The following VDR variants were observed in gnomAD, a reference collection of about 807,000 sequenced individuals.
The protein encoded by VDR is vitamin D receptor, also known as vitamin D3 receptor.
VDR carries 19 observed loss-of-function variants against 39.7 expected under a neutral mutation model. The observed-to-expected ratio is 0.48, with a 90% CI of 0.33 to 0.70. The LOEUF (loss-of-function observed/expected upper bound fraction) is 0.70, where lower values mean the gene tolerates loss of function less well. VDR is among the 30% of genes least tolerant of loss of function. The pLI is 0.02. For missense variants in VDR, 442 were observed against 570.5 expected (o/e 0.77, Z 2.29); for synonymous variants, 242 against 215.8 (o/e 1.12, Z -1.07).
chr12:47,857,666 C>G lies in VDR; in HGVS notation c.300G>C (p.Val100=). 3 of 1,614,092 alleles carry G rather than the reference C, an allele frequency of 1.9e-6. No individual in the cohort carries two copies. In the Middle Eastern group the frequency reaches 5.0e-4, roughly 267 times the overall value. The change falls in exon 5 of 10, where the codon GTG becomes GTC. Residue 100 remains valine (V), a synonymous_variant. Transcript: ENST00000549336. ...TCAGGATCATCTCCCGCTTCCTCTG[C>G]ACTTCCTCATCTGTCAGAATGACTG... ...MKEFILTDEE[V]QRKREMILKR...
At chr12:47,859,740 A>G (rs752107588) in intron 4 of VDR, among the ~76,000 whole-genome samples, 16 of 152,166 alleles carry the variant, frequency 1.1e-4, no homozygotes, top group Admixed American at 2.0e-4. Flanking sequence ...CATTACCTAT[A>G]GACGGAGCCC....
chr12:47,882,623 G>GGGCCCGGGCCCCCCC, intron 2 of VDR, 71 bp downstream of exon 2: 1 of 543,278 alleles, frequency 1.8e-6, no homozygotes, highest in Non-Finnish European at 3.2e-6. Flanking sequence ...ACCTTCTTAT[G>GGGCCCGGGCCCCCCC]CCCCTCCCCC....
At chr12:47,856,695 G>A (rs1945496160) in intron 6 of VDR, among the ~76,000 whole-genome samples, 1 of 151,830 alleles carries the variant, frequency 6.6e-6, no homozygotes, top group South Asian at 2.1e-4. Flanking sequence ...GAGGGGACAG[G>A]TCCTCCAGGG....
At chr12:47,869,428 C>G (rs564957991) in intron 3 of VDR, among the ~76,000 whole-genome samples, 7 of 146,814 alleles carry the variant, frequency 4.8e-5, no homozygotes, top group African/African-American at 1.7e-4. Flanking sequence ...CCCAGCTACT[C>G]GGGAGGCTGA....
At chr12:47,846,053 G>A (rs1019263755) in intron 9 of VDR, among the ~76,000 whole-genome samples, 1 of 152,192 alleles carries the variant, frequency 6.6e-6, no homozygotes, top group East Asian at 1.9e-4. Context: ...TTGGGAATGC[G>A]CAGGCCTGTC....
At chr12:47,882,335 A>G (rs987608545) in intron 2 of VDR, among the ~76,000 whole-genome samples, 1 of 152,186 alleles carries the variant, frequency 6.6e-6, no homozygotes, top group Non-Finnish European at 1.5e-5. Flanking sequence ...GAGATGTCCA[A>G]GCCTCTGTGG....
intron 1 of VDR, among the ~76,000 whole-genome samples, chr12:47,894,704 A>C (rs1028365179): frequency 6.6e-6 from 1 of 152,218 alleles, no homozygotes; most frequent in African/African-American, 2.4e-5. Context: ...CAGCTTTTGG[A>C]ACAATAGCTC....
At chr12:47,864,070 C>G (rs370385904) in intron 4 of VDR, among the ~76,000 whole-genome samples, 5 of 152,322 alleles carry the variant, frequency 3.3e-5, no homozygotes, top group East Asian at 1.9e-4. Context: ...ATTCCTCAGA[C>G]CCACAGCTAG....
At chr12:47,902,332 G>GC (rs1191486791) in intron 1 of VDR, among the ~76,000 whole-genome samples, 1 of 152,220 alleles carries the variant, frequency 6.6e-6, no homozygotes, top group Admixed American at 6.5e-5. Flanking sequence ...GGCCTTGGTG[G>GC]CCCAGAGTGG....
At chr12:47,854,899 A>G (rs1945451693) in intron 7 of VDR, among the ~76,000 whole-genome samples, 1 of 152,286 alleles carries the variant, frequency 6.6e-6, no homozygotes, top group Admixed American at 6.5e-5. Context: ...TCTATTTTAA[A>G]GAAGCAATGG....
chr12:47,873,607 C>T (rs1008361020), intron 3 of VDR, among the ~76,000 whole-genome samples: 6 of 151,738 alleles, frequency 4.0e-5, no homozygotes, highest in Non-Finnish European at 7.4e-5. Flanking sequence ...GTGATCCGCC[C>T]GCCTCGGCCT....
At chr12:47,892,258 G>A (rs368297649) in intron 1 of VDR, among the ~76,000 whole-genome samples, 52 of 152,318 alleles carry the variant, frequency 3.4e-4, no homozygotes, top group African/African-American at 1.1e-3. Context: ...CAAACGTACC[G>A]TCTCCATCTT....
intron 1 of VDR, among the ~76,000 whole-genome samples, chr12:47,886,700 A>G (rs551885206): frequency 1.3e-5 from 2 of 152,264 alleles, no homozygotes; most frequent in Non-Finnish European, 2.9e-5. Flanking sequence ...GAAAATCTCA[A>G]GATTGGAAGG....
Position 47,855,808 on chromosome 12 carries a change from G to C in VDR, c.584-7C>G. On this transcript the variant is annotated splice_polypyrimidine_tract_variant and splice_region_variant and intron_variant, in intron 6 of 9. Transcript: ENST00000549336. ...CTGGACGAGTCCATCATGTCTGGGA[G>C]AGATGAGGGAAGAGAAGGAGCTATT... The C allele has an allele frequency of 1.2e-6, 2 of 1,613,546 alleles. No individual in the cohort carries two copies. The highest frequency in any genetic ancestry group is 1.7e-6 in the Non-Finnish European group (2 of 1,179,922).
chr12:47,848,958 C>T (rs985151963), intron 7 of VDR, among the ~76,000 whole-genome samples: 4 of 152,176 alleles, frequency 2.6e-5, no homozygotes, highest in African/African-American at 9.6e-5. Flanking sequence ...ATTGAGCCGT[C>T]AGCACAAGAT....
At chr12:47,873,967 G>T (rs777515736) in intron 3 of VDR, among the ~76,000 whole-genome samples, 60 of 152,222 alleles carry the variant, frequency 3.9e-4, no homozygotes, top group Non-Finnish European at 8.1e-4. Context: ...CAAGCACAGG[G>T]AAGATCTCAA....
intron 1 of VDR, among the ~76,000 whole-genome samples, chr12:47,888,074 G>T (rs1419828563): frequency 1.3e-5 from 2 of 152,226 alleles, no homozygotes; most frequent in Non-Finnish European, 2.9e-5. Context: ...GGCTGGGCAG[G>T]CCTCAGTATC....
chr12:47,882,051 A>C (rs11574044), intron 2 of VDR, among the ~76,000 whole-genome samples: 26,477 of 152,178 alleles, frequency 0.17, 2,516 homozygotes, highest in South Asian at 0.29. Flanking sequence ...CATGTTCAGC[A>C]TCACATGGAC....
At chr12:47,881,561 A>C (rs150344218) in intron 2 of VDR, among the ~76,000 whole-genome samples, 29 of 152,288 alleles carry the variant, frequency 1.9e-4, no homozygotes, top group African/African-American at 7.0e-4. Context: ...AGGGGTGTGC[A>C]TTATATAGTA....
Sources: allele counts gnomAD v4.1 joint callset (sites outside exome capture counted in the v4.1 genomes callset), GRCh38; gene constraint gnomAD v4.1.1; transcripts MANE v1.5; gene names NCBI Gene and HGNC (gene_info 2026-07-23, HGNC 2026-07-21).